Variants in FMN1 observed in about 807,000 individuals in gnomAD.
The protein encoded by FMN1 is formin-1.
In FMN1, 110 loss-of-function variants were observed where a neutral mutation model predicts 132.4. The observed-to-expected ratio is 0.83, with a 90% confidence interval of 0.71 to 0.97. The LOEUF (loss-of-function observed/expected upper bound fraction) is 0.97, where lower values mean the gene tolerates loss of function less well. Ranked by LOEUF, FMN1 falls within the 50% of genes least tolerant of loss-of-function variation. The pLI, the probability that FMN1 is intolerant of heterozygous loss-of-function variation, is 0.00. For missense variants in FMN1, 1,792 were observed against 1,705.3 expected, an observed-to-expected ratio of 1.05 and a Z score of -0.90; for synonymous variants, 722 against 651.7, an observed-to-expected ratio of 1.11 and a Z score of -1.64.
intron 2 of FMN1, among the ~76,000 whole-genome samples, chr15:33,180,575 T>A (rs1965661248): frequency 6.6e-6 from 1 of 152,126 alleles, no homozygotes; most frequent in African/African-American, 2.4e-5. Flanking sequence ...ACCAGCAAAG[T>A]TGCAGGCAAG....
intron 10 of FMN1, among the ~76,000 whole-genome samples, chr15:32,913,555 TTTC>T (rs539599197): frequency 2.6e-5 from 4 of 152,164 alleles, no homozygotes; most frequent in Non-Finnish European, 5.9e-5. Context: ...GCTTCCTCCC[TTTC>T]TTCATCTCTC....
chr15:32,793,780 T>C (rs2057176110), intron 19 of FMN1, among the ~76,000 whole-genome samples: 2 of 152,216 alleles, frequency 1.3e-5, no homozygotes, highest in Admixed American at 6.5e-5. Flanking sequence ...GTCATTTAAC[T>C]ACATAACACA....
Position 32,908,665 on chromosome 15 carries a change from C to T in FMN1, c.3289-87G>A, listed in dbSNP as rs1251348151. On this transcript the variant is annotated intron_variant, in intron 11 of 20. Transcript: ENST00000616417. ...GCTATGGCAGTGGGTCTCAAAGTCT[C>T]GAAGTGTGGTTCCTAGACTAGCAGC... The T allele has an allele frequency of 1.5e-5, 12 of 784,082 alleles. 1 individual carries two copies. The highest frequency in any genetic ancestry group is 1.4e-4 in the African/African-American group (8 of 55,728). 48.6% of individuals were successfully genotyped at this position (784,082 alleles called of 1,614,324 possible).
intron 17 of FMN1, among the ~76,000 whole-genome samples, chr15:32,843,283 G>C (rs1022799162): frequency 1.3e-5 from 2 of 152,146 alleles, no homozygotes; most frequent in Non-Finnish European, 2.9e-5. Context: ...CCCACCCCTT[G>C]AATCTTACCC....
chr15:32,826,718 G>A (rs1160136599), intron 17 of FMN1, among the ~76,000 whole-genome samples: 1 of 152,154 alleles, frequency 6.6e-6, no homozygotes, highest in Non-Finnish European at 1.5e-5. Flanking sequence ...TAGGAACGAA[G>A]AGAGACCCAC....
chr15:33,135,860 T>G (rs1190618624), intron 4 of FMN1, among the ~76,000 whole-genome samples: 1 of 152,330 alleles, frequency 6.6e-6, no homozygotes, highest in Non-Finnish European at 1.5e-5. Context: ...CTGCTGTACA[T>G]AGAGTATACA....
intron 4 of FMN1, among the ~76,000 whole-genome samples, chr15:33,100,811 T>C (rs1407985156): frequency 6.6e-6 from 1 of 152,130 alleles, no homozygotes; most frequent in African/African-American, 2.4e-5. Flanking sequence ...AAATATAATC[T>C]ATGACAGAAA....
intron 9 of FMN1, among the ~76,000 whole-genome samples, chr15:32,944,830 T>C (rs574338471): frequency 6.6e-6 from 1 of 152,254 alleles, no homozygotes; most frequent in South Asian, 2.1e-4. Context: ...TGATTTTGTG[T>C]AATGTAGAAG....
intron 17 of FMN1, among the ~76,000 whole-genome samples, chr15:32,849,428 T>C (rs2058950984): frequency 6.6e-6 from 1 of 152,084 alleles, no homozygotes; most frequent in Admixed American, 6.6e-5. Flanking sequence ...CACTTAAACA[T>C]ATACATTAGG....
At chr15:32,990,350 AT>A (rs1300485148) in intron 7 of FMN1, among the ~76,000 whole-genome samples, 1 of 152,164 alleles carries the variant, frequency 6.6e-6, no homozygotes, top group East Asian at 1.9e-4. Context: ...GCTGTCCCAG[AT>A]GTTGAGGGAG....
chr15:32,910,198 A>T (rs1029570677), intron 11 of FMN1, among the ~76,000 whole-genome samples: 1 of 152,226 alleles, frequency 6.6e-6, no homozygotes, highest in Non-Finnish European at 1.5e-5. Context: ...CTTGGCCAGC[A>T]AGTGACAGGA....
chr15:32,948,168 T>A (rs2061549439), intron 9 of FMN1, among the ~76,000 whole-genome samples: 1 of 152,042 alleles, frequency 6.6e-6, no homozygotes, highest in Admixed American at 6.6e-5. Flanking sequence ...TCAAATATTT[T>A]GCCATCATCT....
chr15:32,908,703 A>C, intron 11 of FMN1, 125 bp from the exon 12 acceptor site: 1 of 618,578 alleles, frequency 1.6e-6, no homozygotes, highest in Non-Finnish European at 2.8e-6. Flanking sequence ...CAACAACATC[A>C]CCTGTCACTT....
intron 4 of FMN1, among the ~76,000 whole-genome samples, chr15:33,126,788 G>A (rs1048599713): frequency 2.0e-5 from 3 of 152,230 alleles, no homozygotes; most frequent in Admixed American, 6.5e-5. Context: ...CCAGTTTGCA[G>A]GGCCATGAAA....
chr15:33,051,332 A>C (rs115909026), intron 6 of FMN1, among the ~76,000 whole-genome samples: 1,929 of 152,314 alleles, frequency 0.013, 13 homozygotes, highest in South Asian at 0.024. Flanking sequence ...GGCCACATTA[A>C]AAATGGAAAG....
chr15:32,988,296 G>A (rs2033211942), intron 7 of FMN1, among the ~76,000 whole-genome samples: 1 of 152,054 alleles, frequency 6.6e-6, no homozygotes, highest in African/African-American at 2.4e-5. Context: ...TGGGGAAGAG[G>A]AAGTATTTTA....
intron 7 of FMN1, among the ~76,000 whole-genome samples, chr15:33,001,507 AAC>A (rs371896970): frequency 5.7e-4 from 86 of 151,808 alleles, no homozygotes; most frequent in African/African-American, 2.0e-3. Context: ...TAATATCCAC[AAC>A]ATAATTCTTC....
intron 17 of FMN1, among the ~76,000 whole-genome samples, chr15:32,851,864 C>T (rs538924332): frequency 3.3e-5 from 5 of 152,270 alleles, no homozygotes; most frequent in African/African-American, 4.8e-5. Context: ...TGAGTCACAA[C>T]GCACGTGACT....
At position 32,765,858 on chromosome 15, in the gene FMN1, C is replaced by T. The variant is rs1406861248; in HGVS notation, c.*8452G>A. ...ACAAATCAGTGTTGGTTCCTTCACT[C>T]TCTTTTTAAAAATAAATACTTCATT... is the stretch of plus-strand genomic sequence containing the variant. On this transcript the variant is annotated 3_prime_UTR_variant, in exon 21 of 21. Transcript: ENST00000616417. 2.6e-5 allele frequency: 4 copies of T among 152,210 alleles called. No individual in the cohort carries two copies. The highest frequency in any genetic ancestry group is 5.9e-5 in the Non-Finnish European group (4 of 68,006). 9.4% of individuals were successfully genotyped at this position (152,210 alleles called of 1,614,324 possible). A position where few individuals can be genotyped will look rare whatever the true frequency, so the allele number is the denominator to read the frequency against.
Sources: gnomAD v4.1 joint callset for allele counts (sites outside exome capture counted in the v4.1 genomes callset) on GRCh38, gnomAD v4.1.1 for gene constraint, MANE v1.5 for transcripts, NCBI Gene and HGNC (gene_info 2026-07-23, HGNC 2026-07-21) for gene names.